The following DCHS2 variants were observed in gnomAD, a reference collection of about 807,000 sequenced individuals.
The protein encoded by DCHS2 is dachsous cadherin-related 2.
DCHS2 carries 142 observed loss-of-function variants against 182.4 expected under a neutral mutation model. The ratio of observed to expected loss-of-function variants is 0.78; its 90% CI spans 0.68 to 0.89. The LOEUF is 0.89. DCHS2 is among the 40% of genes least tolerant of loss of function. DCHS2 has a pLI of 0.00. For missense variants in DCHS2, 4,319 were observed against 4,198.6 expected (o/e 1.03, Z -0.79); for synonymous variants, 1,740 against 1,663.3 (o/e 1.05, Z -1.12).
At chr4:154,346,787 AC>A (rs1474831713) in intron 3 of DCHS2, among the ~76,000 whole-genome samples, 2 of 151,798 alleles carry the variant, frequency 1.3e-5, no homozygotes, top group Non-Finnish European at 2.9e-5. Context: ...CGAAAAGTCT[AC>A]CCCATATTTA....
intron 1 of DCHS2, among the ~76,000 whole-genome samples, chr4:154,467,045 G>A (rs1210676636): frequency 3.9e-5 from 6 of 152,168 alleles, no homozygotes; most frequent in Admixed American, 6.5e-5. Flanking sequence ...GTTTACACAA[G>A]ATTCCTGATT....
chr4:154,479,739 A>G (rs948857390), intron 1 of DCHS2, among the ~76,000 whole-genome samples: 8 of 152,222 alleles, frequency 5.3e-5, no homozygotes, highest in South Asian at 2.1e-4. Flanking sequence ...TGTAGAAACT[A>G]TATGTTTAAT....
intron 1 of DCHS2, among the ~76,000 whole-genome samples, chr4:154,400,026 G>A (rs1365049434): frequency 6.6e-6 from 1 of 152,100 alleles, no homozygotes; most frequent in Non-Finnish European, 1.5e-5. Context: ...TTTCACGGCC[G>A]GGCGCGGTGG....
intron 10 of DCHS2, among the ~76,000 whole-genome samples, chr4:154,310,260 G>T (rs1301789965): frequency 6.6e-6 from 1 of 152,220 alleles, no homozygotes; most frequent in African/African-American, 2.4e-5. Flanking sequence ...GACCTAGGAA[G>T]ATATAACATT....
intron 3 of DCHS2, among the ~76,000 whole-genome samples, chr4:154,349,707 T>G (rs1423108832): frequency 6.6e-6 from 1 of 152,208 alleles, no homozygotes; most frequent in Non-Finnish European, 1.5e-5. Context: ...GCCTTTATGG[T>G]AAAACTCATG....
intron 15 of DCHS2, among the ~76,000 whole-genome samples, chr4:154,257,809 A>G (rs1308597708): frequency 6.6e-6 from 1 of 152,226 alleles, no homozygotes; most frequent in East Asian, 1.9e-4. Flanking sequence ...AATGGAAAGA[A>G]CAAAGTTCAT....
intron 1 of DCHS2, among the ~76,000 whole-genome samples, chr4:154,454,519 C>T (rs908768346): frequency 1.3e-5 from 2 of 152,176 alleles, no homozygotes. Context: ...AAAATTATTA[C>T]ATTTGTAATT....
At chr4:154,361,501 C>T (rs1175161004) in intron 3 of DCHS2, among the ~76,000 whole-genome samples, 3 of 152,060 alleles carry the variant, frequency 2.0e-5, no homozygotes, top group East Asian at 1.9e-4. Context: ...GAAAAAAGAG[C>T]TATTAATAAA....
intron 13 of DCHS2, among the ~76,000 whole-genome samples, chr4:154,277,045 A>G (rs763313781): frequency 1.3e-5 from 2 of 152,198 alleles, no homozygotes; most frequent in Admixed American, 6.5e-5. Context: ...ATTCTTTTCT[A>G]TGCAAGCAGT....
At chr4:154,349,965 T>A (rs527914962) in intron 3 of DCHS2, among the ~76,000 whole-genome samples, 14 of 152,374 alleles carry the variant, frequency 9.2e-5, no homozygotes, top group African/African-American at 2.6e-4. Context: ...TGGTTCTATC[T>A]CTGAGTCTGG....
Position 154,298,398 on chromosome 4 carries a change from C to A in DCHS2, c.5916G>T (p.Leu1972=). 2 of 1,614,144 alleles carry A rather than the reference C, an allele frequency of 1.2e-6. No homozygotes were observed. Among genetic ancestry groups the A allele is most frequent in the Non-Finnish European group, 1.7e-6 (2 of 1,180,006 alleles). ...EGLNGQTEYF[L]TDEASGAFTI... ...TGAATGCACCAGAAGCCTCATCAGT[C>A]AGAAAATACTCAGTTTGCCCATTCA... Residue 1972 remains leucine (L), a synonymous_variant, in exon 13 of 20, where the codon CTG becomes CTT. Transcript: ENST00000357232.
At chr4:154,327,933 C>T (rs1273422102) in intron 7 of DCHS2, among the ~76,000 whole-genome samples, 160 bp downstream of exon 7, 1 of 152,140 alleles carries the variant, frequency 6.6e-6, no homozygotes, top group East Asian at 1.9e-4. Context: ...TAGTTCTTGA[C>T]AATAGCAAAT....
chr4:154,360,884 A>G (rs1730087137), intron 3 of DCHS2, among the ~76,000 whole-genome samples: 1 of 152,192 alleles, frequency 6.6e-6, no homozygotes, highest in South Asian at 2.1e-4. Flanking sequence ...ACAACTAAAC[A>G]TAGAACAGAC....
At chr4:154,361,300 C>T (rs1336788316) in intron 3 of DCHS2, among the ~76,000 whole-genome samples, 1 of 151,976 alleles carries the variant, frequency 6.6e-6, no homozygotes. Flanking sequence ...GGTAACTTCA[C>T]CTGCACATGT....
intron 1 of DCHS2, among the ~76,000 whole-genome samples, chr4:154,462,394 A>G (rs1266332579): frequency 6.6e-6 from 1 of 152,218 alleles, no homozygotes; most frequent in Non-Finnish European, 1.5e-5. Flanking sequence ...GAAAGCTTTC[A>G]TGTATATTCT....
intron 1 of DCHS2, among the ~76,000 whole-genome samples, chr4:154,379,367 G>C (rs527963779): frequency 6.6e-6 from 1 of 152,260 alleles, no homozygotes; most frequent in Admixed American, 6.5e-5. Flanking sequence ...TTAGCTGCAA[G>C]GGAGGCTGAG....
intron 1 of DCHS2, among the ~76,000 whole-genome samples, chr4:154,484,529 C>T (rs2111043211): frequency 6.6e-6 from 1 of 152,322 alleles, no homozygotes; most frequent in African/African-American, 2.4e-5. Context: ...CTCCTATCCC[C>T]ATGGATTACA....
intron 9 of DCHS2, among the ~76,000 whole-genome samples, chr4:154,318,785 T>A (rs994532058): frequency 2.6e-5 from 4 of 152,112 alleles, no homozygotes; most frequent in Non-Finnish European, 5.9e-5. Flanking sequence ...CAAACTGATC[T>A]ACAGATTCAA....
At chr4:154,444,003 C>T (rs1039172260) in intron 1 of DCHS2, among the ~76,000 whole-genome samples, 2 of 152,156 alleles carry the variant, frequency 1.3e-5, no homozygotes, top group Admixed American at 6.5e-5. Flanking sequence ...CTTCCAGGAT[C>T]CAGTGTTCTC....
Sources: allele counts gnomAD v4.1 joint callset (sites outside exome capture counted in the v4.1 genomes callset), GRCh38; gene constraint gnomAD v4.1.1; transcripts MANE v1.5; gene names NCBI Gene and HGNC (gene_info 2026-07-23, HGNC 2026-07-21).